Variants in CCDC30 observed in about 807,000 individuals in gnomAD.
CCDC30 encodes coiled-coil domain-containing protein 30.
A neutral mutation model predicts 100.2 loss-of-function variants in CCDC30; 70 were observed. The observed-to-expected ratio is 0.70, with a 90% CI of 0.58 to 0.85. The LOEUF is 0.85. Among genes scored for constraint, CCDC30 ranks in the 40% least tolerant of loss-of-function variants. The pLI, the probability that CCDC30 is intolerant of heterozygous loss-of-function variation, is 0.00. For synonymous variants in CCDC30, 233 were observed against 269.5 expected (o/e 0.86, Z 1.33); for missense variants, 652 against 771.2 (o/e 0.85, Z 1.83).
intron 4 of CCDC30, among the ~76,000 whole-genome samples, chr1:42,494,740 A>C: frequency 7.4e-6 from 1 of 134,720 alleles, no homozygotes; most frequent in East Asian, 2.1e-4. Context: ...ATGCAGCCAA[A>C]AAACACATGA....
At chr1:42,478,483 GC>G (rs1193503017) in intron 1 of CCDC30, among the ~76,000 whole-genome samples, 1 of 152,168 alleles carries the variant, frequency 6.6e-6, no homozygotes, top group Non-Finnish European at 1.5e-5. Context: ...CTCTGGCCGT[GC>G]ACGGTGGCTC....
intron 4 of CCDC30, among the ~76,000 whole-genome samples, chr1:42,495,203 G>T (rs1427615007): frequency 6.6e-6 from 1 of 151,360 alleles, no homozygotes; most frequent in Non-Finnish European, 1.5e-5. Context: ...CATGTCCTTT[G>T]TAGGGACATG....
intron 6 of CCDC30, among the ~76,000 whole-genome samples, chr1:42,501,996 G>GT (rs1402192743): frequency 6.6e-6 from 1 of 152,234 alleles, no homozygotes. Flanking sequence ...AGACAGGGAC[G>GT]TTTAAGTCTG....
chr1:42,587,059 G>A (rs938248492), intron 9 of CCDC30, among the ~76,000 whole-genome samples: 2 of 152,088 alleles, frequency 1.3e-5, no homozygotes, highest in Non-Finnish European at 2.9e-5. Flanking sequence ...GTGCAGTAGT[G>A]CGATCACAGT....
At chr1:42,584,007 G>A (rs7536169) in intron 9 of CCDC30, among the ~76,000 whole-genome samples, 30,224 of 152,120 alleles carry the variant, frequency 0.2, 3,309 homozygotes, top group South Asian at 0.42. Context: ...AGGTGAAGGA[G>A]GATTCAAGGG....
intron 6 of CCDC30, among the ~76,000 whole-genome samples, chr1:42,501,250 C>A (rs1201766567): frequency 6.6e-6 from 1 of 152,016 alleles, no homozygotes; most frequent in African/African-American, 2.4e-5. Context: ...TAGTGTATAT[C>A]CAGTTATTCC....
At chr1:42,642,063 A>C (rs1243964109) in intron 12 of CCDC30, among the ~76,000 whole-genome samples, 3 of 151,950 alleles carry the variant, frequency 2.0e-5, no homozygotes, top group South Asian at 2.1e-4. Flanking sequence ...ATCTCTACTA[A>C]AAATACAAAA....
At chr1:42,569,797 T>TAAAA (rs1645693391) in intron 7 of CCDC30, among the ~76,000 whole-genome samples, 1 of 152,110 alleles carries the variant, frequency 6.6e-6, no homozygotes, top group Non-Finnish European at 1.5e-5. Context: ...TATGCAGCCA[T>TAAAA]AAAAAAGAAT....
At chr1:42,520,492 C>T (rs769894809) in intron 6 of CCDC30, among the ~76,000 whole-genome samples, 31 of 151,550 alleles carry the variant, frequency 2.0e-4, no homozygotes, top group Non-Finnish European at 2.9e-4. Context: ...CCACCATGCC[C>T]GGCTAATTTT....
intron 11 of CCDC30, among the ~76,000 whole-genome samples, chr1:42,634,749 CA>C (rs1438326054): frequency 6.6e-6 from 1 of 152,074 alleles, no homozygotes; most frequent in Non-Finnish European, 1.5e-5. Context: ...GTGTATAGTT[CA>C]ATGGCTTTTG....
intron 7 of CCDC30, among the ~76,000 whole-genome samples, chr1:42,569,472 A>G (rs1387744579): frequency 2.0e-5 from 3 of 152,194 alleles, no homozygotes; most frequent in South Asian, 4.1e-4. Context: ...AAAAGTCAGG[A>G]AACAACAGAT....
At chr1:42,479,773 A>G (rs1643929052) in intron 1 of CCDC30, among the ~76,000 whole-genome samples, 1 of 152,094 alleles carries the variant, frequency 6.6e-6, no homozygotes, top group South Asian at 2.1e-4. Flanking sequence ...ACAAGGGGTT[A>G]CTCTCAAGAA....
chr1:42,608,558 C>G lies in CCDC30; in HGVS notation c.1165-2420C>G, dbSNP rs1646551772. On this transcript the variant is annotated intron_variant, in intron 10 of 16. Transcript: ENST00000668663. ...TAGTAAAAATACAAAAAAAAATTAG[C>G]CGGACGTGGCGGTGGGCGCCTGGGT... is the stretch of plus-strand genomic sequence containing the variant. Among the ~76,000 whole-genome samples the G allele has an allele frequency of 3.3e-5, 5 of 151,098 alleles. No individual in the cohort carries two copies. In the South Asian group the frequency reaches 1.1e-3, roughly 32 times the overall value.
intron 6 of CCDC30, among the ~76,000 whole-genome samples, chr1:42,541,979 C>CT (rs1645020527): frequency 6.6e-6 from 1 of 152,238 alleles, no homozygotes; most frequent in African/African-American, 2.4e-5. Flanking sequence ...TATTAGACTG[C>CT]TGCCAAGTTA....
intron 10 of CCDC30, among the ~76,000 whole-genome samples, chr1:42,606,702 A>G (rs1003281719): frequency 1.3e-5 from 2 of 152,226 alleles, no homozygotes; most frequent in African/African-American, 4.8e-5. Flanking sequence ...ATAAACCTTA[A>G]ATTACAGCAT....
At chr1:42,607,467 C>G (rs1646523386) in intron 10 of CCDC30, among the ~76,000 whole-genome samples, 2 of 151,056 alleles carry the variant, frequency 1.3e-5, no homozygotes, top group African/African-American at 4.9e-5. Context: ...TCCTGTAATC[C>G]CAACATTTTG....
intron 10 of CCDC30, among the ~76,000 whole-genome samples, chr1:42,606,548 A>G (rs1209467080): frequency 1.3e-5 from 2 of 152,194 alleles, no homozygotes; most frequent in Non-Finnish European, 2.9e-5. Flanking sequence ...GCGAGCTCAC[A>G]TGTTGCAAGT....
chr1:42,607,655 GAAA>G (rs112087404), intron 10 of CCDC30, among the ~76,000 whole-genome samples: 1 of 147,944 alleles, frequency 6.8e-6, no homozygotes, highest in African/African-American at 2.5e-5. Context: ...CCTGTTCTGG[GAAA>G]AAAAAAAATC....
chr1:42,587,404 A>T (rs368356519), intron 9 of CCDC30, among the ~76,000 whole-genome samples: 3 of 152,308 alleles, frequency 2.0e-5, no homozygotes, highest in Admixed American at 6.5e-5. Flanking sequence ...TTCAAGGCTT[A>T]TCTCTTAGTC....
Sources: gnomAD v4.1 joint callset for allele counts (sites outside exome capture counted in the v4.1 genomes callset) on GRCh38, gnomAD v4.1.1 for gene constraint, MANE v1.5 for transcripts, NCBI Gene and HGNC (gene_info 2026-07-23, HGNC 2026-07-21) for gene names.